Variants in SV2B observed in about 807,000 individuals in gnomAD.
SV2B encodes synaptic vesicle glycoprotein 2B.
SV2B carries 41 observed loss-of-function variants against 73.9 expected under a neutral mutation model. The ratio of observed to expected loss-of-function variants is 0.56; its 90% CI spans 0.43 to 0.72. The LOEUF (loss-of-function observed/expected upper bound fraction) is 0.72. Among genes scored for constraint, SV2B ranks in the 30% least tolerant of loss-of-function variants. The pLI, the probability that SV2B is intolerant of heterozygous loss-of-function variation, is 0.00. For missense variants in SV2B, 764 were observed against 857.8 expected (o/e 0.89, Z 1.37); for synonymous variants, 314 against 314.2 (o/e 1.00, Z 0.01).
At chr15:91,169,172 G>T (rs572572359) in intron 1 of SV2B, among the ~76,000 whole-genome samples, 1 of 152,156 alleles carries the variant, frequency 6.6e-6, no homozygotes, top group East Asian at 1.9e-4. Flanking sequence ...CTCATGATCG[G>T]TTACTGCGTG....
intron 1 of SV2B, among the ~76,000 whole-genome samples, chr15:91,175,285 C>T (rs2044262833): frequency 6.6e-6 from 1 of 151,198 alleles, no homozygotes; most frequent in East Asian, 1.9e-4. Context: ...GATGGAGTCT[C>T]GCTGTGTAGC....
Position 91,129,475 on chromosome 15 carries a change from T to C in SV2B, c.-392+29112T>C, listed in dbSNP as rs558591884. Among the ~76,000 whole-genome samples the C allele has an allele frequency of 1.3e-5, 2 of 152,156 alleles. No individual in the cohort carries two copies. The highest frequency in any genetic ancestry group is 1.3e-4 in the Admixed American group (2 of 15,284). On this transcript the variant is annotated intron_variant, in intron 1 of 12. Transcript: ENST00000394232. The surrounding 1 kb of genome is among the most constrained non-coding windows in gnomAD (Gnocchi z 5.1). ...GTGCAATGGTGGGGATCAGCAAAGA[T>C]GTATGTCTTGGAAAAGCCCAGAACC...
In SV2B at chr15:91,107,289, A is replaced by ATTTG. The variant is rs1274580877; in HGVS notation, c.-392+6934_-392+6937dup. On this transcript the variant is annotated intron_variant, in intron 1 of 12. Transcript: ENST00000394232. ...GTTTGCACTCAGACTTCATTACTTT[A>ATTTG]TTTGTTTGTTTATTTATTTATTTAT... 3.1e-3 allele frequency among the ~76,000 whole-genome samples: 456 copies of ATTTG among 148,124 alleles called. 2 individuals carry two copies. Among genetic ancestry groups the ATTTG allele is most frequent in the Middle Eastern group, 0.02 (6 of 294 alleles).
At chr15:91,275,817 C>T (rs1023127287) in intron 9 of SV2B, among the ~76,000 whole-genome samples, 7 of 152,030 alleles carry the variant, frequency 4.6e-5, no homozygotes, top group Non-Finnish European at 1.0e-4. Context: ...CAGAGTGAGA[C>T]TCTGTCTCCA....
intron 1 of SV2B, among the ~76,000 whole-genome samples, chr15:91,175,174 A>G (rs1269153671): frequency 2.0e-5 from 3 of 152,252 alleles, no homozygotes; most frequent in Non-Finnish European, 2.9e-5. Context: ...CCACTAATAA[A>G]AAAATGAAAA....
intron 1 of SV2B, among the ~76,000 whole-genome samples, chr15:91,166,622 G>A (rs569655565): frequency 1.8e-4 from 27 of 151,816 alleles, no homozygotes; most frequent in African/African-American, 4.3e-4. Context: ...CATAGGTCCC[G>A]AATCTGTATG....
At chr15:91,156,304 T>A (rs1030348438) in intron 1 of SV2B, among the ~76,000 whole-genome samples, 1 of 152,208 alleles carries the variant, frequency 6.6e-6, no homozygotes, top group Non-Finnish European at 1.5e-5. Context: ...CCAGTGTGAC[T>A]CCACGGACTT....
intron 1 of SV2B, among the ~76,000 whole-genome samples, chr15:91,147,964 A>AT (rs2043194274): frequency 1.7e-5 from 1 of 57,602 alleles, no homozygotes. Flanking sequence ...ACCCCCCCCA[A>AT]CTTTTTTTTT....
Position 91,176,846 on chromosome 15 carries a change from T to G in SV2B, c.-391-49027T>G, listed in dbSNP as rs375565265. On this transcript the variant is annotated intron_variant, in intron 1 of 12. Coordinates refer to ENST00000394232, the MANE Select transcript of SV2B (RefSeq NM_001323032.3). ...TTTTCTCCCATTTTGTAGGTTGCCT[T>G]TTCACTCTGATGGTAGTTTCTTTTG... 2.0e-4 allele frequency among the ~76,000 whole-genome samples: 31 copies of G among 152,008 alleles called. No individual in the cohort carries two copies. The East Asian group carries it at 4.1e-3, about 20-fold the overall frequency.
chr15:91,189,714 C>T (rs912728348), intron 1 of SV2B, among the ~76,000 whole-genome samples: 1 of 152,164 alleles, frequency 6.6e-6, no homozygotes, highest in Non-Finnish European at 1.5e-5. Context: ...TCCAGCCGGG[C>T]GCGGTGGCTC....
rs927045984 is a variant in SV2B at position 91,226,114 on chromosome 15, GA to G, written c.-148del. 2.8e-6 allele frequency: 2 copies of G among 722,796 alleles called. No homozygotes were observed. Among genetic ancestry groups the G allele is most frequent in the East Asian group, 2.8e-5 (1 of 36,170 alleles). 44.8% of individuals were successfully genotyped at this position (722,796 alleles called of 1,614,324 possible). ...TTGATTTGAGAGATAAAGGGGGGGGGAACCAGTGTGACTTTCACCTAAGAAG... is the reference window on the plus strand; with the variant it reads ...TTGATTTGAGAGATAAAGGGGGGGGGACCAGTGTGACTTTCACCTAAGAAG... On this transcript the variant is annotated 5_prime_UTR_variant, in exon 2 of 13. Transcript: ENST00000394232.
At chr15:91,203,552 T>C (rs2045534050) in intron 1 of SV2B, among the ~76,000 whole-genome samples, 1 of 152,258 alleles carries the variant, frequency 6.6e-6, no homozygotes, top group South Asian at 2.1e-4. Flanking sequence ...CACTATTAAG[T>C]TTCTATTTTA....
At chr15:91,282,975 G>A (rs1401361181) in intron 10 of SV2B, among the ~76,000 whole-genome samples, 1 of 152,156 alleles carries the variant, frequency 6.6e-6, no homozygotes, top group Non-Finnish European at 1.5e-5. Context: ...CTCCTCATTT[G>A]AATACTCTTA....
At position 91,140,021 on chromosome 15, in the gene SV2B, G is replaced by A. The variant is rs1325342668; in HGVS notation, c.-392+39658G>A. ...TGTGGTCCTTGGACCAGTAGCATCCGCATCACCTGGGAGCTTGCTAGAAAT... is the reference window on the plus strand; with the variant it reads ...TGTGGTCCTTGGACCAGTAGCATCCACATCACCTGGGAGCTTGCTAGAAAT... On this transcript the variant is annotated intron_variant, in intron 1 of 12. Transcript: ENST00000394232. The surrounding 1 kb of genome is among the most constrained non-coding windows in gnomAD (Gnocchi z 4.4). 3.9e-5 allele frequency among the ~76,000 whole-genome samples: 6 copies of A among 152,144 alleles called. No homozygotes were observed. The highest frequency in any genetic ancestry group is 5.9e-5 in the Non-Finnish European group (4 of 68,030).
chr15:91,113,614 C>T (rs1336647704), intron 1 of SV2B, among the ~76,000 whole-genome samples: 2 of 152,200 alleles, frequency 1.3e-5, no homozygotes, highest in Non-Finnish European at 1.5e-5. Context: ...TTTTTTCCCG[C>T]GATGAATATA....
In SV2B at chr15:91,266,663, C is replaced by T. The variant is rs1305520658; in HGVS notation, c.1090C>T (p.Leu364=). 1 of 1,614,078 alleles carries T rather than the reference C, an allele frequency of 6.2e-7. No individual in the cohort carries two copies. Among genetic ancestry groups the T allele is most frequent in the Non-Finnish European group, 8.5e-7 (1 of 1,179,960 alleles). ...AACAGGAACCTGGTACCAGCGCTGG[C>T]TGGTCAGATTCAAGACCATTTTCAA... ...SSTGTWYQRW[L]VRFKTIFKQV... is the part of the protein sequence containing the mutation. The change falls in exon 7 of 13, where the codon CTG becomes TTG. Residue 364 remains leucine, a synonymous_variant. Coordinates refer to ENST00000394232, the MANE Select transcript of SV2B (RefSeq NM_001323032.3).
At chr15:91,149,615 G>C (rs2141212960) in intron 1 of SV2B, among the ~76,000 whole-genome samples, 1 of 152,232 alleles carries the variant, frequency 6.6e-6, no homozygotes, top group East Asian at 1.9e-4. Context: ...CTCCATCTTG[G>C]ACATGGTTTG....
At chr15:91,192,256 G>T (rs780793537) in intron 1 of SV2B, among the ~76,000 whole-genome samples, 2 of 152,184 alleles carry the variant, frequency 1.3e-5, no homozygotes, top group Non-Finnish European at 2.9e-5. Context: ...GTGTCTTTGT[G>T]TAATAAGCCC....
intron 1 of SV2B, among the ~76,000 whole-genome samples, chr15:91,178,163 T>A (rs1402298232): frequency 7.3e-5 from 11 of 151,608 alleles, no homozygotes; most frequent in Non-Finnish European, 1.5e-4. Flanking sequence ...GTGGTTTTTG[T>A]CTTTGGTTCT....
Sources: allele counts gnomAD v4.1 joint callset (sites outside exome capture counted in the v4.1 genomes callset), GRCh38; gene constraint gnomAD v4.1.1; non-coding constraint Gnocchi (gnomAD v3.1); transcripts MANE v1.5; gene names NCBI Gene and HGNC (gene_info 2026-07-23, HGNC 2026-07-21).